Variants in ANKS1B observed in about 807,000 individuals in gnomAD.
ANKS1B encodes ankyrin repeat and sterile alpha motif domain-containing protein 1B.
ANKS1B carries 36 observed loss-of-function variants against 148.3 expected under a neutral mutation model. That is an observed-to-expected ratio of 0.24 (90% CI 0.19 to 0.32). The LOEUF is 0.32. Ranked by LOEUF, ANKS1B falls within the 10% of genes least tolerant of loss-of-function variation. The pLI is 1.00. For missense variants in ANKS1B, 1,157 were observed against 1,542.6 expected, an observed-to-expected ratio of 0.75 and a Z score of 4.19; for synonymous variants, 542 against 560.8, an observed-to-expected ratio of 0.97 and a Z score of 0.47.
intron 25 of ANKS1B, among the ~76,000 whole-genome samples, chr12:98,768,788 C>T (rs577800878): frequency 1.4e-4 from 21 of 151,646 alleles, no homozygotes; most frequent in Admixed American, 7.2e-4. Flanking sequence ...AGAAGCCCCG[C>T]ACACTCCACC....
intron 9 of ANKS1B, among the ~76,000 whole-genome samples, chr12:99,645,071 T>C (rs569351674): frequency 6.6e-6 from 1 of 152,356 alleles, no homozygotes; most frequent in South Asian, 2.1e-4. Flanking sequence ...TAAGGTAATA[T>C]ATTCACAGGT....
chr12:99,345,669 TGG>T (rs959079023), intron 12 of ANKS1B, among the ~76,000 whole-genome samples: 20 of 151,998 alleles, frequency 1.3e-4, no homozygotes, highest in Non-Finnish European at 2.4e-4. Context: ...ATAGTGTCTG[TGG>T]GTTCCTATGG....
At chr12:98,825,825 A>G (rs2099244485) in intron 19 of ANKS1B, among the ~76,000 whole-genome samples, 1 of 152,178 alleles carries the variant, frequency 6.6e-6, no homozygotes, top group African/African-American at 2.4e-5. Context: ...TCCTTCTGAT[A>G]TATTTTCCAT....
intron 12 of ANKS1B, among the ~76,000 whole-genome samples, chr12:99,368,714 C>A (rs565344841): frequency 6.6e-6 from 1 of 151,380 alleles, no homozygotes; most frequent in South Asian, 2.1e-4. Flanking sequence ...GAAAAGAAAA[C>A]GGAAAAGAAA....
intron 12 of ANKS1B, among the ~76,000 whole-genome samples, chr12:99,252,660 T>C (rs534712644): frequency 4.1e-4 from 63 of 152,162 alleles, no homozygotes; most frequent in African/African-American, 1.5e-3. Context: ...AACCCAGAAA[T>C]TGCCATCAGA....
chr12:99,815,494 A>C (rs1387429004), intron 2 of ANKS1B, among the ~76,000 whole-genome samples: 3 of 151,312 alleles, frequency 2.0e-5, no homozygotes, highest in African/African-American at 7.3e-5. Context: ...TTTCTTTTTT[A>C]ATTTTATTTC....
intron 20 of ANKS1B, among the ~76,000 whole-genome samples, chr12:98,806,375 C>A (rs1281550197): frequency 1.3e-5 from 2 of 152,094 alleles, no homozygotes; most frequent in Non-Finnish European, 2.9e-5. Context: ...ATGAGGACTG[C>A]TCCCACCTAC....
chr12:99,486,530 T>G (rs1262035621), intron 10 of ANKS1B, among the ~76,000 whole-genome samples: 4 of 152,038 alleles, frequency 2.6e-5, no homozygotes, highest in African/African-American at 7.2e-5. Context: ...GTTTGATGGT[T>G]CAGGCTTCAG....
chr12:98,827,974 GC>G (rs1204906292), intron 19 of ANKS1B, among the ~76,000 whole-genome samples: 2 of 152,254 alleles, frequency 1.3e-5, no homozygotes, highest in Admixed American at 1.3e-4. Flanking sequence ...GCTTTCAGAT[GC>G]CCTATTTAAA....
At chr12:99,647,785 A>T (rs1348251725) in intron 9 of ANKS1B, 1 of 212,520 alleles carries the variant, frequency 4.7e-6, no homozygotes, top group Admixed American at 5.2e-5. Context: ...GAAGAAGAGC[A>T]GTGGGATTGC....
chr12:99,535,766 A>C (rs2097059184), intron 9 of ANKS1B, among the ~76,000 whole-genome samples: 1 of 152,180 alleles, frequency 6.6e-6, no homozygotes, highest in Non-Finnish European at 1.5e-5. Flanking sequence ...AAGAATCTCC[A>C]GAACTCCACT....
intron 8 of ANKS1B, among the ~76,000 whole-genome samples, chr12:99,715,169 T>C (rs2057146440): frequency 6.6e-6 from 1 of 151,958 alleles, no homozygotes; most frequent in East Asian, 1.9e-4. Flanking sequence ...AAGCTACAAA[T>C]GATTAAGCTT....
chr12:99,883,710 G>A (rs2092671417), intron 1 of ANKS1B, among the ~76,000 whole-genome samples: 1 of 152,110 alleles, frequency 6.6e-6, no homozygotes, highest in Non-Finnish European at 1.5e-5. Flanking sequence ...GAGGTCAGGA[G>A]TTCAAGACCA....
At chr12:99,179,172 T>TA (rs2153845247) in intron 14 of ANKS1B, among the ~76,000 whole-genome samples, 1 of 152,268 alleles carries the variant, frequency 6.6e-6, no homozygotes, top group South Asian at 2.1e-4. Context: ...CTCATGCCTA[T>TA]AATCCCAGCA....
chr12:99,952,144 G>A (rs1179000332), intron 1 of ANKS1B, among the ~76,000 whole-genome samples: 1 of 152,110 alleles, frequency 6.6e-6, no homozygotes, highest in Non-Finnish European at 1.5e-5. Context: ...TAACAAAATT[G>A]ATCAAATTGG....
intron 17 of ANKS1B, among the ~76,000 whole-genome samples, chr12:98,896,988 C>G (rs999237567): frequency 1.3e-5 from 2 of 152,180 alleles, no homozygotes; most frequent in African/African-American, 4.8e-5. Flanking sequence ...GAACTACAGG[C>G]TATTTGGAAA....
At chr12:99,095,035 G>T (rs890296076) in intron 15 of ANKS1B, among the ~76,000 whole-genome samples, 2 of 141,464 alleles carry the variant, frequency 1.4e-5, no homozygotes, top group Non-Finnish European at 3.1e-5. Flanking sequence ...CTGGGGGGGG[G>T]GTCAAGTCTC....
intron 12 of ANKS1B, among the ~76,000 whole-genome samples, chr12:99,298,920 G>A (rs2081249216): frequency 6.6e-6 from 1 of 152,100 alleles, no homozygotes; most frequent in Admixed American, 6.6e-5. Context: ...AGACATTTCT[G>A]TTTTTTAAAA....
At chr12:98,810,809 A>G (rs117626104) in intron 19 of ANKS1B, among the ~76,000 whole-genome samples, 1,964 of 152,338 alleles carry the variant, frequency 0.013, 17 homozygotes, top group Non-Finnish European at 0.019. Context: ...TGAAGACTCC[A>G]TTTTGTATGA....
Sources: gnomAD v4.1 joint callset for allele counts (sites outside exome capture counted in the v4.1 genomes callset) on GRCh38, gnomAD v4.1.1 for gene constraint, MANE v1.5 for transcripts, NCBI Gene and HGNC (gene_info 2026-07-23, HGNC 2026-07-21) for gene names.